PAK6: variants seen among roughly 807,000 people sequenced by gnomAD.
PAK6 encodes the protein serine/threonine-protein kinase PAK 6.
A neutral mutation model predicts 60.8 loss-of-function variants in PAK6; 33 were observed. The ratio of observed to expected loss-of-function variants is 0.54; its 90% CI spans 0.41 to 0.73. The LOEUF is 0.73. PAK6 is among the 30% of genes least tolerant of loss of function. PAK6 has a pLI of 0.00. For missense variants in PAK6, 845 were observed against 904.1 expected (o/e 0.93, Z 0.84); for synonymous variants, 404 against 378.5 (o/e 1.07, Z -0.78).
intron 2 of PAK6, among the ~76,000 whole-genome samples, chr15:40,249,897 T>TC (rs1239200531): frequency 6.6e-6 from 1 of 152,210 alleles, no homozygotes; most frequent in African/African-American, 2.4e-5. Flanking sequence ...AAGAGCCATG[T>TC]CCCCCTGTGA....
intron 2 of PAK6, chr15:40,252,753 C>A: frequency 7.7e-7 from 1 of 1,301,896 alleles, no homozygotes; most frequent in Non-Finnish European, 1.0e-6. Context: ...ACACGCGCAG[C>A]CCCCTTCCTG....
intron 5 of PAK6, among the ~76,000 whole-genome samples, chr15:40,267,600 C>T (rs566559962): frequency 4.1e-4 from 62 of 152,156 alleles, no homozygotes; most frequent in African/African-American, 1.5e-3. Context: ...CAGAGCTTGC[C>T]GTGAGCTGAG....
In PAK6 at chr15:40,272,516, TTG is replaced by T; in HGVS notation, c.1154_1155del (p.Val385AspfsTer3). ...GCCCTGGCTGGTGAGGACACAGGTG[TTG>T]TGACACATGAGCAGTTCAAGGCTGC... On this transcript the variant is annotated frameshift_variant, in exon 6 of 11. Coordinates refer to ENST00000560346, the Ensembl canonical transcript of PAK6. LOFTEE classifies it high-confidence loss of function. The T allele has an allele frequency of 6.2e-7, 1 of 1,613,736 alleles. No homozygotes were observed. The highest frequency in any genetic ancestry group is 8.5e-7 in the Non-Finnish European group (1 of 1,180,008).
At chr15:40,255,174 C>A (rs113688470) in intron 3 of PAK6, among the ~76,000 whole-genome samples, 1 of 152,306 alleles carries the variant, frequency 6.6e-6, no homozygotes, top group Admixed American at 6.5e-5. Context: ...ACTCAGACCT[C>A]TGTGTGCAGA....
At chr15:40,240,185 C>G in intron 1 of PAK6, 1 of 158,968 alleles carries the variant, frequency 6.3e-6, no homozygotes, top group Non-Finnish European at 1.4e-5. Context: ...TTCTGGCAGG[C>G]CTGGGTACCA....
intron 9 of PAK6, 100 bp from the exon 10 acceptor site, chr15:40,274,042 C>A: frequency 7.1e-7 from 1 of 1,398,992 alleles, no homozygotes; most frequent in Non-Finnish European, 1.0e-6. Flanking sequence ...CCAAGGAGAG[C>A]TGGGGCCAGC....
At chr15:40,267,007 C>A (rs1308367460) in intron 5 of PAK6, 1 of 153,174 alleles carries the variant, frequency 6.5e-6, no homozygotes, top group Non-Finnish European at 1.5e-5. Flanking sequence ...GGTGAGTCAC[C>A]CCCAGGCATG....
chr15:40,246,400 C>G (rs149721021), intron 2 of PAK6: 1 of 152,362 alleles, frequency 6.6e-6, no homozygotes, highest in East Asian at 1.9e-4. Context: ...GACAAGAAGA[C>G]TTTTTCTATT....
intron 2 of PAK6, among the ~76,000 whole-genome samples, chr15:40,241,185 C>T (rs1052069559): frequency 2.0e-5 from 3 of 152,352 alleles, no homozygotes; most frequent in African/African-American, 7.2e-5. Flanking sequence ...CTCCCCACCC[C>T]TGCTGCAGGG....
chr15:40,273,702 C>G (rs1323578112), intron 9 of PAK6, 26 bp downstream of exon 9: 2 of 1,608,198 alleles, frequency 1.2e-6, no homozygotes, highest in Admixed American at 3.4e-5. Flanking sequence ...ACCCCCCAGA[C>G]CTCCCAAAAG....
intron 2 of PAK6, among the ~76,000 whole-genome samples, chr15:40,241,809 C>T (rs2038356634): frequency 6.6e-6 from 1 of 152,332 alleles, no homozygotes. Context: ...CTGTGCACAA[C>T]TCCTAAGGAT....
intron 2 of PAK6, among the ~76,000 whole-genome samples, chr15:40,242,798 G>T: frequency 6.6e-6 from 1 of 152,198 alleles, no homozygotes. Flanking sequence ...AGGGGACCGT[G>T]TCTCTTCCTG....
At chr15:40,248,373 A>G (rs1428072572) in intron 2 of PAK6, among the ~76,000 whole-genome samples, 1 of 152,208 alleles carries the variant, frequency 6.6e-6, no homozygotes, top group African/African-American at 2.4e-5. Context: ...TTTTCTCCCA[A>G]GAGTGCCTCT....
Position 40,275,867 on chromosome 15 carries a change from A to T in PAK6, c.1879-60A>T, listed in dbSNP as rs140149919. On this transcript the variant is annotated intron_variant, in intron 10 of 10. Transcript: ENST00000560346. ...TTTCAAACAATGATAAGTCCAGGCAATCAGGTCACCCCGAAGTGACTGCAA... is the reference window on the plus strand; with the variant it reads ...TTTCAAACAATGATAAGTCCAGGCATTCAGGTCACCCCGAAGTGACTGCAA... 2.0e-6 allele frequency: 3 copies of T among 1,489,806 alleles called. No homozygotes were observed. In the East Asian group the frequency reaches 6.9e-5, roughly 34 times the overall value. 92.3% of individuals were successfully genotyped at this position (1,489,806 alleles called of 1,614,324 possible).
exon 11 of PAK6, chr15:40,276,210 G>T: frequency 9.5e-7 from 1 of 1,047,916 alleles, no homozygotes; most frequent in Non-Finnish European, 1.4e-6. Context: ...AGATTGAAAT[G>T]TGAAGCCCCA....
intron 2 of PAK6, chr15:40,251,021 C>T (rs1054426335): frequency 6.6e-6 from 1 of 152,566 alleles, no homozygotes; most frequent in Admixed American, 6.5e-5. Context: ...CCCCCTCATC[C>T]AAGGCCTAGC....
intron 10 of PAK6, among the ~76,000 whole-genome samples, chr15:40,275,283 T>TTCTTTTTC (rs1476461136): frequency 1.0e-5 from 1 of 96,416 alleles, no homozygotes; most frequent in African/African-American, 4.4e-5. Context: ...GTTGTTGGTT[T>TTCTTTTTC]TTTTTTTTTT....
chr15:40,243,072 C>G (rs2038401108), intron 2 of PAK6, among the ~76,000 whole-genome samples: 1 of 152,218 alleles, frequency 6.6e-6, no homozygotes, highest in African/African-American at 2.4e-5. Context: ...CGTCCTTTTG[C>G]CAACTCTGGG....
chr15:40,247,957 A>G (rs1427766031), intron 2 of PAK6, among the ~76,000 whole-genome samples: 3 of 152,184 alleles, frequency 2.0e-5, no homozygotes, highest in Non-Finnish European at 4.4e-5. Context: ...CTGAGGGTTA[A>G]GAACCTTTCA....
Sources: gnomAD v4.1 joint callset for allele counts (sites outside exome capture counted in the v4.1 genomes callset) on GRCh38, gnomAD v4.1.1 for gene constraint, MANE v1.5 for transcripts, NCBI Gene and HGNC (gene_info 2026-07-23, HGNC 2026-07-21) for gene names.